ACVR1B: variants seen among roughly 807,000 people sequenced by gnomAD.
The protein encoded by ACVR1B is activin receptor type-1B.
In ACVR1B, 15 loss-of-function variants were observed where a neutral mutation model predicts 55.6. The observed-to-expected ratio is 0.27, with a 90% confidence interval of 0.18 to 0.42. The LOEUF is 0.42. ACVR1B is among the 10% of genes least tolerant of loss of function. The pLI is 1.00. For synonymous variants in ACVR1B, 247 were observed against 254.6 expected, an observed-to-expected ratio of 0.97 and a Z score of 0.28; for missense variants, 359 against 670.1, an observed-to-expected ratio of 0.54 and a Z score of 5.13.
intron 4 of ACVR1B, among the ~76,000 whole-genome samples, chr12:51,981,979 G>T (rs1941989961): frequency 1.3e-5 from 2 of 152,204 alleles, no homozygotes; most frequent in South Asian, 4.1e-4. Context: ...GGTCAGTCCT[G>T]TCCCTGAGGA....
intron 6 of ACVR1B, 57 bp downstream of exon 6, chr12:51,985,405 G>C: frequency 6.5e-7 from 1 of 1,541,122 alleles, no homozygotes; most frequent in Non-Finnish European, 8.7e-7. Flanking sequence ...TATCCCATCT[G>C]TGCCGTTTCC....
At chr12:51,978,702 C>A (rs892521024) in intron 3 of ACVR1B, among the ~76,000 whole-genome samples, 1 of 134,914 alleles carries the variant, frequency 7.4e-6, no homozygotes, top group Non-Finnish European at 1.6e-5. Context: ...GTGGTGGCGG[C>A]GCCTGTAGTC....
chr12:51,955,785 A>C lies in ACVR1B; in HGVS notation c.91+3951A>C, dbSNP rs17126212. On this transcript the variant is annotated intron_variant, in intron 1 of 8. Transcript: ENST00000257963. ...GGGAATCCTAGAGTCCTTTCTCACC[A>C]GTGCTTCTGATGCTGGACATAACTG... Among the ~76,000 whole-genome samples the C allele has an allele frequency of 7.1e-3, 1,074 of 152,316 alleles. 18 individuals are homozygous for C. The highest frequency in any genetic ancestry group is 0.025 in the African/African-American group (1,025 of 41,568).
intron 4 of ACVR1B, chr12:51,982,685 G>T (rs1942002269): frequency 1.3e-6 from 2 of 1,525,188 alleles, no homozygotes; most frequent in Non-Finnish European, 1.7e-6. Flanking sequence ...TGAAACAACA[G>T]CAGACTGCTC....
intron 1 of ACVR1B, among the ~76,000 whole-genome samples, chr12:51,961,649 A>G (rs541337171): frequency 9.8e-5 from 15 of 152,286 alleles, no homozygotes; most frequent in Non-Finnish European, 1.9e-4. Flanking sequence ...AAACTGTGAC[A>G]TACACGGTCT....
At chr12:51,971,893 T>C (rs958135681) in intron 1 of ACVR1B, among the ~76,000 whole-genome samples, 2 of 152,108 alleles carry the variant, frequency 1.3e-5, no homozygotes, top group African/African-American at 4.8e-5. Context: ...ATGAGAAAAA[T>C]GAGGTTCAAA....
At chr12:51,960,493 AG>A (rs1378537291) in intron 1 of ACVR1B, among the ~76,000 whole-genome samples, 3 of 152,210 alleles carry the variant, frequency 2.0e-5, no homozygotes, top group African/African-American at 7.2e-5. Flanking sequence ...TGAGGAGTTC[AG>A]GTGACAATTG....
rs1180661388 is a variant in ACVR1B at position 51,975,357 on chromosome 12, A to G, written c.184A>G (p.Met62Val). The change falls in exon 2 of 9, where the codon ATG (methionine) becomes GTG (valine). Residue 62 changes from methionine (M) to valine (V), a missense_variant. This residue lies in a region of ACVR1B where 133 missense variants were observed against 188.2 expected (regional missense o/e 0.71). Transcript: ENST00000257963. ...CMVSIFNLDGMEHHVRTCIPK... is the reference protein window; with the variant it reads ...CMVSIFNLDGVEHHVRTCIPK... ...GGTTTCCATTTTCAATCTGGATGGG[A>G]TGGAGCACCATGTGCGCACCTGCAT... 2 of 1,614,168 alleles carry G rather than the reference A, an allele frequency of 1.2e-6. No individual in the cohort carries two copies. The highest frequency in any genetic ancestry group is 1.7e-6 in the Non-Finnish European group (2 of 1,180,032).
chr12:51,984,827 T>G (rs1457513965), intron 5 of ACVR1B, among the ~76,000 whole-genome samples: 1 of 152,240 alleles, frequency 6.6e-6, no homozygotes, highest in Non-Finnish European at 1.5e-5. Flanking sequence ...TTCTGAGAAC[T>G]AGGCATTGCA....
intron 8 of ACVR1B, among the ~76,000 whole-genome samples, chr12:51,993,129 TTG>T (rs1942226150): frequency 6.6e-6 from 1 of 152,218 alleles, no homozygotes; most frequent in East Asian, 1.9e-4. Flanking sequence ...ACCTTGTTGC[TTG>T]TGTGTGTAGT....
chr12:51,994,077 C>G lies in ACVR1B; in HGVS notation c.1485C>G (p.Ser495=). 1 of 1,614,094 alleles carries G rather than the reference C, an allele frequency of 6.2e-7. No homozygotes were observed. Among genetic ancestry groups the G allele is most frequent in the Non-Finnish European group, 8.5e-7 (1 of 1,180,052 alleles). Residue 495 remains serine, a synonymous_variant, in exon 9 of 9, where the codon TCC becomes TCG. Coordinates refer to ENST00000257963, the MANE Select transcript of ACVR1B (RefSeq NM_004302.5). This position sits in a 1 kb window ranked among gnomAD's most constrained non-coding sequence, Gnocchi z 4.2. ...CCCTGCGCATCAAGAAGACCCTCTC[C>G]CAGCTCAGCGTGCAGGAAGACGTGA... ...LTALRIKKTL[S]QLSVQEDVKI
At chr12:51,980,442 C>T (rs143428166) in intron 3 of ACVR1B, among the ~76,000 whole-genome samples, 1 of 152,198 alleles carries the variant, frequency 6.6e-6, no homozygotes, top group Non-Finnish European at 1.5e-5. Context: ...CATTCTACAT[C>T]TGGAGTTCGC....
intron 3 of ACVR1B, among the ~76,000 whole-genome samples, chr12:51,977,618 T>G (rs1005952512): frequency 1.3e-5 from 2 of 149,962 alleles, no homozygotes; most frequent in Non-Finnish European, 3.0e-5. Context: ...TTTTTTTTTT[T>G]TTTTTTTTTT....
chr12:51,960,565 T>C lies in ACVR1B; in HGVS notation c.91+8731T>C, dbSNP rs918812431. Reference sequence around the variant, plus strand: ...ATACTAAAGTATTATGCTAAGCACCTGTGTTGTATCATTTACTCTATGTAG... The same window carrying C: ...ATACTAAAGTATTATGCTAAGCACCCGTGTTGTATCATTTACTCTATGTAG... On this transcript the variant is annotated intron_variant, in intron 1 of 8. Transcript: ENST00000257963. Among the ~76,000 whole-genome samples, 4 of 152,342 alleles carry C rather than the reference T, an allele frequency of 2.6e-5. No homozygotes were observed. In the East Asian group the frequency reaches 7.7e-4, roughly 29 times the overall value.
At chr12:51,970,326 C>T (rs1205690565) in intron 1 of ACVR1B, among the ~76,000 whole-genome samples, 1 of 152,142 alleles carries the variant, frequency 6.6e-6, no homozygotes, top group Non-Finnish European at 1.5e-5. Flanking sequence ...TGTGCTCCAT[C>T]GTTTTACTGG....
Position 51,993,979 on chromosome 12 carries a change from G to A in ACVR1B, c.1393-6G>A, listed in dbSNP as rs1461840013. 13 of 1,613,654 alleles carry A rather than the reference G, an allele frequency of 8.1e-6. No homozygotes were observed. In the Admixed American group the frequency reaches 1.5e-4, roughly 19 times the overall value. On this transcript the variant is annotated splice_polypyrimidine_tract_variant and splice_region_variant and intron_variant, in intron 8 of 8. Coordinates refer to ENST00000257963, the MANE Select transcript of ACVR1B (RefSeq NM_004302.5). ...CCGAGCTGATGGCTCCTGGGTCTCT[G>A]CACAGGCACTGCGGGTGATGGGGAA... is the stretch of plus-strand genomic sequence containing the variant.
At chr12:51,991,494 A>G (rs978571199) in intron 7 of ACVR1B, among the ~76,000 whole-genome samples, 1 of 152,192 alleles carries the variant, frequency 6.6e-6, no homozygotes, top group East Asian at 1.9e-4. Context: ...CTCTGCCTCC[A>G]GGGTTCAAGC....
At chr12:51,981,688 T>C (rs1197925316) in intron 4 of ACVR1B, among the ~76,000 whole-genome samples, 1 of 152,076 alleles carries the variant, frequency 6.6e-6, no homozygotes, top group Non-Finnish European at 1.5e-5. Flanking sequence ...AAAAATGAGC[T>C]GGCCACGGTG....
At chr12:51,977,783 ATTT>A (rs748536892) in intron 3 of ACVR1B, among the ~76,000 whole-genome samples, 2 of 103,310 alleles carry the variant, frequency 1.9e-5, no homozygotes, top group South Asian at 3.1e-4. Flanking sequence ...AAGCCTGGCA[ATTT>A]TTTTTTTTTT....
Sources: allele counts gnomAD v4.1 joint callset (sites outside exome capture counted in the v4.1 genomes callset), GRCh38; gene constraint gnomAD v4.1.1; regional missense constraint gnomAD v4.1.1; non-coding constraint Gnocchi (gnomAD v3.1); transcripts MANE v1.5; gene names NCBI Gene and HGNC (gene_info 2026-07-23, HGNC 2026-07-21).